LRGUK: variants seen among roughly 807,000 people sequenced by gnomAD.
LRGUK encodes leucine rich repeats and guanylate kinase domain containing.
In LRGUK, 65 loss-of-function variants were observed where a neutral mutation model predicts 76.0. The observed-to-expected ratio is 0.85, with a 90% CI of 0.70 to 1.05. The LOEUF is 1.05. Ranked by LOEUF, LRGUK falls within the 50% of genes least tolerant of loss-of-function variation. LRGUK has a pLI of 0.00. For missense variants in LRGUK, 758 were observed against 732.8 expected (o/e 1.03, Z -0.40); for synonymous variants, 268 against 265.6 (o/e 1.01, Z -0.09).
In LRGUK at chr7:134,257,581, T is replaced by G. The variant is rs140859985; in HGVS notation, c.2199-676T>G. Among the ~76,000 whole-genome samples, 935 of 152,220 alleles carry G rather than the reference T, an allele frequency of 6.1e-3. 12 individuals are homozygous for G. Among genetic ancestry groups the G allele is most frequent in the African/African-American group, 0.021 (873 of 41,546 alleles). On this transcript the variant is annotated intron_variant, in intron 18 of 19. Transcript: ENST00000285928. ...AGTACTTTCGGAGGCCGAGGCCGGCTGATCACCTGAGGTCAGGAGTTCGAG... is the reference window on the plus strand; with the variant it reads ...AGTACTTTCGGAGGCCGAGGCCGGCGGATCACCTGAGGTCAGGAGTTCGAG...
chr7:134,186,475 A>G (rs895197251), intron 11 of LRGUK, among the ~76,000 whole-genome samples: 4 of 152,208 alleles, frequency 2.6e-5, no homozygotes, highest in African/African-American at 9.6e-5. Flanking sequence ...GACACTTAAT[A>G]TGTGTGTGAT....
chr7:134,141,051 G>C (rs1797744983), intron 3 of LRGUK, among the ~76,000 whole-genome samples: 1 of 152,144 alleles, frequency 6.6e-6, no homozygotes, highest in Non-Finnish European at 1.5e-5. Context: ...GCGGAGTGGT[G>C]GGGGCCTTGC....
chr7:134,201,474 G>A lies in LRGUK; in HGVS notation c.1748-7G>A, dbSNP rs1800766017. 6.2e-7 allele frequency: 1 copy of A among 1,610,462 alleles called. No individual in the cohort carries two copies. On this transcript the variant is annotated splice_region_variant and splice_polypyrimidine_tract_variant and intron_variant, in intron 14 of 15. Coordinates refer to ENST00000645682, the Ensembl canonical transcript of LRGUK. ...TGTTGCTTTAAAATGTACTCTCTTTGCTGCAGATGATCTGGATGTTGCCTA... is the reference window on the plus strand; with the variant it reads ...TGTTGCTTTAAAATGTACTCTCTTTACTGCAGATGATCTGGATGTTGCCTA...
chr7:134,192,455 A>G (rs1287886842), intron 12 of LRGUK, among the ~76,000 whole-genome samples: 1 of 152,148 alleles, frequency 6.6e-6, no homozygotes, highest in Non-Finnish European at 1.5e-5. Flanking sequence ...ATCTTGTTTA[A>G]GTTTTGGGTT....
At chr7:134,191,845 T>G in intron 12 of LRGUK, 94 bp downstream of exon 12, 2 of 897,760 alleles carry the variant, frequency 2.2e-6, no homozygotes, top group Non-Finnish European at 3.3e-6. Context: ...AAGGAAGAAT[T>G]AAATTTTGTG....
exon 16 of LRGUK, chr7:134,221,845 A>C (rs1801604051): frequency 6.2e-7 from 1 of 1,603,872 alleles, no homozygotes; most frequent in African/African-American, 1.3e-5. Context: ...AATATGGGTG[A>C]TTTCCTGCAT....
At position 134,234,237 on chromosome 7, in the gene LRGUK, A is replaced by T. The variant is rs78412142; in HGVS notation, c.1983+12319A>T. 9.8e-3 allele frequency among the ~76,000 whole-genome samples: 1,490 copies of T among 152,086 alleles called. 27 individuals are homozygous for T. Among genetic ancestry groups the T allele is most frequent in the African/African-American group, 0.034 (1,412 of 41,496 alleles). Reference sequence around the variant, plus strand: ...TATCCCTTTTTCTAAGCATTATATGACCCTCAGATACCACAGTCTGCTGCA... The same window carrying T: ...TATCCCTTTTTCTAAGCATTATATGTCCCTCAGATACCACAGTCTGCTGCA... On this transcript the variant is annotated intron_variant, in intron 16 of 19. Transcript: ENST00000285928.
intron 5 of LRGUK, among the ~76,000 whole-genome samples, chr7:134,154,230 G>A (rs1349639117): frequency 6.6e-6 from 1 of 152,142 alleles, no homozygotes; most frequent in Non-Finnish European, 1.5e-5. Flanking sequence ...ATACGTAAGA[G>A]GATTAACCCA....
chr7:134,136,546 A>G (rs780864864), intron 1 of LRGUK, among the ~76,000 whole-genome samples: 1 of 152,176 alleles, frequency 6.6e-6, no homozygotes, highest in African/African-American at 2.4e-5. Context: ...TGGGATTTTC[A>G]TTCCAGCTCT....
intron 16 of LRGUK, among the ~76,000 whole-genome samples, chr7:134,229,996 A>G (rs929418988): frequency 6.6e-6 from 1 of 152,288 alleles, no homozygotes; most frequent in Non-Finnish European, 1.5e-5. Context: ...TAAATGTAAC[A>G]CAAAAAGCAT....
chr7:134,177,945 G>A (rs1369655862), intron 9 of LRGUK, among the ~76,000 whole-genome samples: 2 of 152,146 alleles, frequency 1.3e-5, no homozygotes, highest in East Asian at 1.9e-4. Flanking sequence ...GGAAAGACAA[G>A]GGGATGAAGA....
chr7:134,150,171 AGGCTGAGGCAGCAGAAT>A (rs1305797947), intron 5 of LRGUK, among the ~76,000 whole-genome samples: 1 of 152,056 alleles, frequency 6.6e-6, no homozygotes, highest in Non-Finnish European at 1.5e-5. Flanking sequence ...GCTACTTGGG[AGGCTGAGGCAGCAGAAT>A]GGCATGAACC....
At chr7:134,255,942 A>T (rs1802567729) in intron 18 of LRGUK, among the ~76,000 whole-genome samples, 1 of 152,038 alleles carries the variant, frequency 6.6e-6, no homozygotes, top group Admixed American at 6.6e-5. Flanking sequence ...TAAATACTTC[A>T]ATCAGCCACC....
chr7:134,264,092 A>C (rs1011074326), exon 20 of LRGUK: 5 of 977,698 alleles, frequency 5.1e-6, no homozygotes, highest in Non-Finnish European at 6.9e-6. Context: ...CCACGGAAGA[A>C]TGTTCTACCT....
chr7:134,135,038 G>A (rs1490691450), intron 1 of LRGUK, among the ~76,000 whole-genome samples: 2 of 152,130 alleles, frequency 1.3e-5, no homozygotes, highest in East Asian at 3.8e-4. Flanking sequence ...TGGATTAACA[G>A]GAGAAAAGGT....
chr7:134,151,597 G>A (rs1363985284), intron 5 of LRGUK, among the ~76,000 whole-genome samples: 1 of 151,968 alleles, frequency 6.6e-6, no homozygotes, highest in Non-Finnish European at 1.5e-5. Flanking sequence ...GAAAACAACA[G>A]GCTTGTCTCA....
chr7:134,247,642 A>C (rs757273577), exon 17 of LRGUK: 3 of 1,610,764 alleles, frequency 1.9e-6, no homozygotes, highest in Non-Finnish European at 2.5e-6. Flanking sequence ...TCCTATTTCA[A>C]AGGTAGCAAT....
rs182407993 is a variant in LRGUK, at chr7:134,198,567, G to T, written c.1546-653G>T. On this transcript the variant is annotated intron_variant, in intron 13 of 15. Coordinates refer to ENST00000645682, the Ensembl canonical transcript of LRGUK. ...GGGACTTTAGAGTCCATTTGGAATG[G>T]CTCTTTCATTTCACCCGTGAGGAAA... Among the ~76,000 whole-genome samples the T allele has an allele frequency of 3.9e-4, 59 of 152,318 alleles. 1 individual carries two copies. The highest frequency in any genetic ancestry group is 2.5e-4 in the Non-Finnish European group (17 of 68,022).
At chr7:134,248,787 G>A in intron 17 of LRGUK, among the ~76,000 whole-genome samples, 164 bp from the exon 18 acceptor site, 1 of 152,112 alleles carries the variant, frequency 6.6e-6, no homozygotes, top group South Asian at 2.1e-4. Context: ...CAATGACTTA[G>A]ACAAGCTCTG....
Sources: allele counts gnomAD v4.1 joint callset (sites outside exome capture counted in the v4.1 genomes callset), GRCh38; gene constraint gnomAD v4.1.1; transcripts MANE v1.5; gene names NCBI Gene and HGNC (gene_info 2026-07-23, HGNC 2026-07-21).